Variants in PGCKA1 observed in about 807,000 individuals in gnomAD.
PGCKA1 encodes the protein PDCD10 and GCKIII kinases associated 1, also known as PDCD10 and GCKIII kinases-associated protein 1.
the PGCKA1 span, among the ~76,000 whole-genome samples, chr4:37,555,175 G>C: frequency 6.6e-6 from 1 of 152,092 alleles, no homozygotes; most frequent in East Asian, 1.9e-4. Context: ...GTTTTGATCT[G>C]TCTACCAACC....
At chr4:37,588,793 C>T in the PGCKA1 span, 2 of 1,296,900 alleles carry the variant, frequency 1.5e-6, no homozygotes, top group East Asian at 2.3e-5. Flanking sequence ...AAACTTAATT[C>T]CTACTAATAT....
the PGCKA1 span, among the ~76,000 whole-genome samples, chr4:37,564,135 G>GTGGTGGCAGGCACCTGTA: frequency 6.6e-6 from 1 of 151,948 alleles, no homozygotes; most frequent in East Asian, 2.0e-4. Flanking sequence ...TTAGCTGGGC[G>GTGGTGGCAGGCACCTGTA]TGGTGGCAGG....
At chr4:37,517,368 TA>T in the PGCKA1 span, among the ~76,000 whole-genome samples, 1 of 151,068 alleles carries the variant, frequency 6.6e-6, no homozygotes, top group African/African-American at 2.4e-5. Context: ...AAATACGGTA[TA>T]TTTTTAAGTG....
the PGCKA1 span, among the ~76,000 whole-genome samples, chr4:37,471,356 TTA>T: frequency 7.2e-5 from 11 of 152,200 alleles, no homozygotes; most frequent in African/African-American, 2.7e-4. Flanking sequence ...TTTCATTTGT[TTA>T]TATACTAAAT....
chr4:37,481,304 A>G, the PGCKA1 span, among the ~76,000 whole-genome samples: 2 of 151,918 alleles, frequency 1.3e-5, no homozygotes, highest in African/African-American at 4.8e-5. Context: ...TACTAAAAAA[A>G]AAATACAAAC....
At chr4:37,571,416 G>T in the PGCKA1 span, among the ~76,000 whole-genome samples, 419 of 134,046 alleles carry the variant, frequency 3.1e-3, 10 homozygotes, top group Admixed American at 0.031. Flanking sequence ...AGGCTGGAGT[G>T]CAGTGGCACG....
the PGCKA1 span, among the ~76,000 whole-genome samples, chr4:37,536,198 G>A: frequency 2.6e-5 from 4 of 152,112 alleles, no homozygotes; most frequent in African/African-American, 7.2e-5. Flanking sequence ...GTTCTATTTG[G>A]GATAGGGGCA....
At chr4:37,582,568 C>T in the PGCKA1 span, among the ~76,000 whole-genome samples, 1 of 152,276 alleles carries the variant, frequency 6.6e-6, no homozygotes, top group Non-Finnish European at 1.5e-5. Context: ...TCTTTCTTTG[C>T]TTTTTCATAA....
At chr4:37,537,603 G>A in the PGCKA1 span, among the ~76,000 whole-genome samples, 3 of 152,274 alleles carry the variant, frequency 2.0e-5, no homozygotes, top group East Asian at 5.8e-4. Context: ...TGTCAGTGCG[G>A]CTCTGGGCAT....
At chr4:37,592,660 A>G in the PGCKA1 span, among the ~76,000 whole-genome samples, 1 of 152,382 alleles carries the variant, frequency 6.6e-6, no homozygotes, top group Admixed American at 6.5e-5. Context: ...CAGAATTGAA[A>G]TCTGACTGAA....
chr4:37,463,688 A>G, the PGCKA1 span, among the ~76,000 whole-genome samples: 1 of 152,130 alleles, frequency 6.6e-6, no homozygotes, highest in Non-Finnish European at 1.5e-5. Flanking sequence ...ACAAAGGCAG[A>G]TAGAGAAGTC....
At chr4:37,517,004 C>T in the PGCKA1 span, among the ~76,000 whole-genome samples, 1 of 152,066 alleles carries the variant, frequency 6.6e-6, no homozygotes, top group Non-Finnish European at 1.5e-5. Context: ...CGCCTGTAAT[C>T]CCTGCACTTT....
At chr4:37,498,155 G>A in the PGCKA1 span, among the ~76,000 whole-genome samples, 2 of 152,054 alleles carry the variant, frequency 1.3e-5, no homozygotes, top group Non-Finnish European at 2.9e-5. Flanking sequence ...AGCACCATTT[G>A]TTGAAAGGGA....
the PGCKA1 span, among the ~76,000 whole-genome samples, chr4:37,495,432 T>C: frequency 6.6e-6 from 1 of 151,882 alleles, no homozygotes; most frequent in Non-Finnish European, 1.5e-5. Context: ...CATGCACATA[T>C]ATGTTTATTG....
At chr4:37,521,207 G>C in the PGCKA1 span, among the ~76,000 whole-genome samples, 1 of 151,996 alleles carries the variant, frequency 6.6e-6, no homozygotes. Context: ...AGCTATAAAC[G>C]TCCCTCTTAG....
the PGCKA1 span, among the ~76,000 whole-genome samples, chr4:37,528,367 G>A: frequency 6.6e-6 from 1 of 152,174 alleles, no homozygotes; most frequent in African/African-American, 2.4e-5. Flanking sequence ...GTGAGCCACA[G>A]AGCCAACCTG....
At chr4:37,457,390 C>T in the PGCKA1 span, among the ~76,000 whole-genome samples, 5 of 152,150 alleles carry the variant, frequency 3.3e-5, no homozygotes, top group South Asian at 2.1e-4. Context: ...GTATTAGTGA[C>T]GTGTGAGAGG....
the PGCKA1 span, among the ~76,000 whole-genome samples, chr4:37,512,235 G>A: frequency 6.7e-6 from 1 of 149,724 alleles, no homozygotes; most frequent in South Asian, 2.1e-4. Context: ...TGTTCCCTTT[G>A]TATAGATAGT....
At chr4:37,491,442 C>A in the PGCKA1 span, among the ~76,000 whole-genome samples, 1 of 152,116 alleles carries the variant, frequency 6.6e-6, no homozygotes, top group Admixed American at 6.6e-5. Context: ...AACACAATAT[C>A]CCTGGAGTTA....
Sources: gnomAD v4.1 joint callset for allele counts (sites outside exome capture counted in the v4.1 genomes callset) on GRCh38, gnomAD v4.1.1 for gene constraint, MANE v1.5 for transcripts, NCBI Gene and HGNC (gene_info 2026-07-23, HGNC 2026-07-21) for gene names.